The following FAM193A variants were observed in gnomAD, a reference collection of about 807,000 sequenced individuals.
FAM193A encodes family with sequence similarity 193 member A.
Under a neutral mutation model 126.5 loss-of-function variants are expected in FAM193A, and 22 were observed. That is an observed-to-expected ratio of 0.17 (90% CI 0.12 to 0.25). The LOEUF (loss-of-function observed/expected upper bound fraction) is 0.25, where lower values mean the gene tolerates loss of function less well. Among genes scored for constraint, FAM193A ranks in the 10% least tolerant of loss-of-function variants. FAM193A has a pLI of 1.00. For synonymous variants in FAM193A, 761 were observed against 646.8 expected, an observed-to-expected ratio of 1.18 and a Z score of -2.68; for missense variants, 1,675 against 1,672.8, an observed-to-expected ratio of 1.00 and a Z score of -0.02.
intron 15 of FAM193A, 41 bp downstream of exon 15, chr4:2,691,011 A>T: frequency 6.4e-7 from 1 of 1,566,108 alleles, no homozygotes; most frequent in South Asian, 1.2e-5. Context: ...GTCTGCAGGA[A>T]GGCTGGGCTT....
In FAM193A at chr4:2,731,945, GC is replaced by G. The variant is rs1721445231; in HGVS notation, c.*81del. 6.2e-6 allele frequency: 7 copies of G among 1,123,508 alleles called. No homozygotes were observed. The highest frequency in any genetic ancestry group is 9.5e-6 in the Non-Finnish European group (7 of 740,474). 69.6% of individuals were successfully genotyped at this position (1,123,508 alleles called of 1,614,324 possible). A position where few individuals can be genotyped will look rare whatever the true frequency, so the allele number is the denominator to read the frequency against. On this transcript the variant is annotated 3_prime_UTR_variant, in exon 21 of 21. Transcript: ENST00000637812. ...CCCAAGAGCCACGCCCCTCGCTGGC[GC>G]CCCAGAGCCGTGGTGCTTGCCAAGG... is the stretch of plus-strand genomic sequence containing the variant.
At chr4:2,623,469 C>T (rs768439164) in intron 2 of FAM193A, among the ~76,000 whole-genome samples, 4 of 151,724 alleles carry the variant, frequency 2.6e-5, no homozygotes, top group Non-Finnish European at 5.9e-5. Context: ...CGCGCCTGGC[C>T]GGTCCCCTGC....
chr4:2,558,091 G>A (rs1738373396), intron 1 of FAM193A, among the ~76,000 whole-genome samples: 1 of 152,070 alleles, frequency 6.6e-6, no homozygotes, highest in South Asian at 2.1e-4. Flanking sequence ...TGGCCAACAC[G>A]GTGAAACCCC....
At chr4:2,667,091 T>A (rs1468084127) in intron 12 of FAM193A, among the ~76,000 whole-genome samples, 1 of 152,262 alleles carries the variant, frequency 6.6e-6, no homozygotes, top group Non-Finnish European at 1.5e-5. Context: ...ACATATAGTT[T>A]ACCTAGATCC....
chr4:2,661,201 G>A (rs1203470212), intron 10 of FAM193A, among the ~76,000 whole-genome samples: 1 of 152,118 alleles, frequency 6.6e-6, no homozygotes, highest in Non-Finnish European at 1.5e-5. Flanking sequence ...CTAGGTTCTC[G>A]GGACATCTGG....
chr4:2,686,246 T>C (rs1306089883), intron 13 of FAM193A, among the ~76,000 whole-genome samples: 1 of 152,224 alleles, frequency 6.6e-6, no homozygotes, highest in Non-Finnish European at 1.5e-5. Flanking sequence ...TTCTGAATAG[T>C]GTGTAAATCA....
intron 19 of FAM193A, among the ~76,000 whole-genome samples, chr4:2,707,463 C>T (rs970355301): frequency 2.1e-4 from 32 of 151,930 alleles, no homozygotes; most frequent in African/African-American, 7.5e-4. Context: ...TGTGGCCAGT[C>T]CAAATTGAGA....
At chr4:2,539,445 C>T (rs953590952) in intron 1 of FAM193A, among the ~76,000 whole-genome samples, 6 of 152,092 alleles carry the variant, frequency 3.9e-5, no homozygotes, top group African/African-American at 1.2e-4. Context: ...AAAAGAGACA[C>T]GGTCTCTCTC....
intron 19 of FAM193A, among the ~76,000 whole-genome samples, chr4:2,711,450 C>T (rs528072840): frequency 5.7e-4 from 87 of 151,920 alleles, no homozygotes; most frequent in Non-Finnish European, 1.1e-3. Context: ...AGCAATTCTC[C>T]TGTCTCAGCC....
intron 1 of FAM193A, among the ~76,000 whole-genome samples, chr4:2,560,134 G>A (rs1340766072): frequency 1.3e-5 from 2 of 151,986 alleles, no homozygotes; most frequent in African/African-American, 2.4e-5. Context: ...GTAGAGATGG[G>A]GTTTCGCCAT....
rs1414434801 is a variant in FAM193A, at chr4:2,553,376, C to CTTTT, written c.255+16208_255+16211dup. The stretch of plus-strand genomic sequence containing the variant: ...ATTAAGTAAAGTTCTAATTTCCCTT[C>CTTTT]TTTTTGTTTTTTTTTTTTTTTTTGA... On this transcript the variant is annotated intron_variant, in intron 1 of 20. Transcript: ENST00000637812. Among the ~76,000 whole-genome samples, 58 of 124,104 alleles carry CTTTT rather than the reference C, an allele frequency of 4.7e-4. 5 individuals are homozygous for CTTTT. The highest frequency in any genetic ancestry group is 5.7e-4 in the Non-Finnish European group (35 of 61,510). 81.4% of individuals were successfully genotyped at this position (124,104 alleles called of 152,430 possible).
At chr4:2,709,035 T>G (rs1379721834) in intron 19 of FAM193A, among the ~76,000 whole-genome samples, 1 of 152,108 alleles carries the variant, frequency 6.6e-6, no homozygotes, top group Non-Finnish European at 1.5e-5. Context: ...TATTTAAAAT[T>G]AGCCACATTA....
At chr4:2,557,305 G>A (rs1738319985) in intron 1 of FAM193A, among the ~76,000 whole-genome samples, 1 of 152,090 alleles carries the variant, frequency 6.6e-6, no homozygotes, top group South Asian at 2.1e-4. Context: ...CTGTGGATGA[G>A]GGCGATGAGG....
At chr4:2,718,309 A>G (rs1329127696) in intron 20 of FAM193A, among the ~76,000 whole-genome samples, 1 of 152,148 alleles carries the variant, frequency 6.6e-6, no homozygotes, top group Non-Finnish European at 1.5e-5. Flanking sequence ...AGACACAAAA[A>G]ATAGCATAAT....
intron 7 of FAM193A, among the ~76,000 whole-genome samples, chr4:2,652,854 G>GA (rs1745807590): frequency 6.6e-6 from 1 of 152,316 alleles, no homozygotes; most frequent in South Asian, 2.1e-4. Context: ...ATAACATAGG[G>GA]AAAAAGATGA....
intron 7 of FAM193A, among the ~76,000 whole-genome samples, chr4:2,655,568 C>G (rs1377793900): frequency 1.3e-5 from 2 of 152,122 alleles, no homozygotes; most frequent in Non-Finnish European, 1.5e-5. Context: ...GCCTCGAACT[C>G]CTGGGCTCAA....
intron 2 of FAM193A, among the ~76,000 whole-genome samples, chr4:2,623,449 C>T (rs925265302): frequency 1.3e-5 from 2 of 152,016 alleles, no homozygotes; most frequent in South Asian, 2.1e-4. Flanking sequence ...GGATTACAGG[C>T]GTGAGCCACC....
At chr4:2,615,053 A>G (rs977689511) in intron 2 of FAM193A, 2 of 150,714 alleles carry the variant, frequency 1.3e-5, no homozygotes, top group African/African-American at 4.9e-5. Flanking sequence ...TTGCTTTTCC[A>G]TTTTCTTTTT....
At chr4:2,617,991 C>G (rs531917634) in intron 2 of FAM193A, among the ~76,000 whole-genome samples, 1 of 152,232 alleles carries the variant, frequency 6.6e-6, no homozygotes, top group Non-Finnish European at 1.5e-5. Flanking sequence ...AGGGTAGCTT[C>G]TGTTTGAAAT....
Sources: gnomAD v4.1 joint callset for allele counts (sites outside exome capture counted in the v4.1 genomes callset) on GRCh38, gnomAD v4.1.1 for gene constraint, MANE v1.5 for transcripts, NCBI Gene and HGNC (gene_info 2026-07-23, HGNC 2026-07-21) for gene names.